Variants in MYT1L observed in about 807,000 individuals in gnomAD.
MYT1L encodes myelin transcription factor 1-like protein.
Under a neutral mutation model 126.7 loss-of-function variants are expected in MYT1L, and 12 were observed. That is an observed-to-expected ratio of 0.09 (90% CI 0.06 to 0.15). The LOEUF (loss-of-function observed/expected upper bound fraction) is 0.15. MYT1L is among the 10% of genes least tolerant of loss of function. MYT1L has a pLI of 1.00. For synonymous variants in MYT1L, 541 were observed against 604.2 expected, an observed-to-expected ratio of 0.90 and a Z score of 1.53; for missense variants, 979 against 1,585.2, an observed-to-expected ratio of 0.62 and a Z score of 6.49.
rs12474766 is a variant in MYT1L at position 1,982,242 on chromosome 2, C to T, written c.1-2465G>A. The stretch of plus-strand genomic sequence containing the variant: ...CACATCCATGAGAAAGGGCATTTCC[C>T]GGGGTCCCCTGCCCTTGTCACAGGC... On this transcript the variant is annotated intron_variant, in intron 5 of 24. Transcript: ENST00000647738. Among the ~76,000 whole-genome samples, 1,021 of 152,240 alleles carry T rather than the reference C, an allele frequency of 6.7e-3. 23 individuals are homozygous for T. The East Asian group carries it at 0.071, about 11-fold the overall frequency.
At chr2:1,973,485 AC>A (rs2059953273) in intron 8 of MYT1L, among the ~76,000 whole-genome samples, 1 of 152,220 alleles carries the variant, frequency 6.6e-6, no homozygotes, top group Admixed American at 6.5e-5. Context: ...GCCAAAAAAA[AC>A]CTGAATATAA....
intron 18 of MYT1L, among the ~76,000 whole-genome samples, chr2:1,861,420 C>T (rs1219691782): frequency 6.6e-6 from 1 of 151,814 alleles, no homozygotes; most frequent in Non-Finnish European, 1.5e-5. Flanking sequence ...CATGTTTTTC[C>T]TCTTCAGCAG....
rs143742936 is a variant in MYT1L at position 2,085,165 on chromosome 2, G to T, written c.-303-31042C>A. On this transcript the variant is annotated intron_variant, in intron 3 of 24. Transcript: ENST00000647738. ...AGCTGTCTCCACCTTCTCCAAGAGC[G>T]CATTTTTAAATGATGGCACTGGAGC... is the stretch of plus-strand genomic sequence containing the variant. Among the ~76,000 whole-genome samples, 241 of 152,248 alleles carry T rather than the reference G, an allele frequency of 1.6e-3. 4 individuals carry two copies. Among genetic ancestry groups the T allele is most frequent in the African/African-American group, 5.5e-3 (227 of 41,538 alleles).
At chr2:1,911,627 T>G (rs12988893) in intron 12 of MYT1L, among the ~76,000 whole-genome samples, 1 of 152,088 alleles carries the variant, frequency 6.6e-6, no homozygotes, top group African/African-American at 2.4e-5. Context: ...GGGGTTTCCA[T>G]AGAATTCCAA....
At chr2:1,983,712 G>A (rs1000485014) in intron 5 of MYT1L, among the ~76,000 whole-genome samples, 3 of 152,194 alleles carry the variant, frequency 2.0e-5, no homozygotes, top group Admixed American at 6.5e-5. Context: ...CGTTTAAACC[G>A]TTCATTTGAA....
intron 8 of MYT1L, among the ~76,000 whole-genome samples, chr2:1,973,134 T>A (rs986957944): frequency 1.3e-5 from 2 of 152,284 alleles, no homozygotes; most frequent in South Asian, 4.1e-4. Flanking sequence ...TACTAGGAAT[T>A]TCCTCTCTCT....
At chr2:1,982,489 T>G (rs945825741) in intron 5 of MYT1L, among the ~76,000 whole-genome samples, 1 of 152,178 alleles carries the variant, frequency 6.6e-6, no homozygotes, top group African/African-American at 2.4e-5. Context: ...ATCATTCCAT[T>G]GGATGAGGAT....
intron 3 of MYT1L, among the ~76,000 whole-genome samples, chr2:2,057,831 C>T (rs2069811101): frequency 6.6e-6 from 1 of 152,208 alleles, no homozygotes; most frequent in African/African-American, 2.4e-5. Flanking sequence ...CACAGTTTAA[C>T]TCTTCATGCT....
At chr2:2,008,861 A>T (rs935751350) in intron 4 of MYT1L, among the ~76,000 whole-genome samples, 1 of 151,958 alleles carries the variant, frequency 6.6e-6, no homozygotes, top group Non-Finnish European at 1.5e-5. Flanking sequence ...TATTTTTTTT[A>T]ATGTATAAGA....
chr2:2,243,317 T>G (rs2094473064), intron 2 of MYT1L, among the ~76,000 whole-genome samples: 1 of 152,220 alleles, frequency 6.6e-6, no homozygotes, highest in Non-Finnish European at 1.5e-5. Flanking sequence ...TGAATTCTTT[T>G]GCAAAGAGAA....
intron 9 of MYT1L, among the ~76,000 whole-genome samples, chr2:1,925,014 C>T (rs2054042026): frequency 1.3e-5 from 2 of 152,130 alleles, no homozygotes; most frequent in Admixed American, 1.3e-4. Flanking sequence ...AATAACCAAG[C>T]TGTGTTACCT....
rs557608476 is a variant in MYT1L at position 1,967,831 on chromosome 2, C to T, written c.152+11334G>A. ...CTGGGAACAGCGAGTGCTTCTGGGACGTTGCTGTTATTACCAGAAGGGCCT... is the reference window on the plus strand; with the variant it reads ...CTGGGAACAGCGAGTGCTTCTGGGATGTTGCTGTTATTACCAGAAGGGCCT... On this transcript the variant is annotated intron_variant, in intron 8 of 24. Coordinates refer to ENST00000647738, the MANE Select transcript of MYT1L (RefSeq NM_001303052.2). Among the ~76,000 whole-genome samples, 13 of 152,224 alleles carry T rather than the reference C, an allele frequency of 8.5e-5. No homozygotes were observed. In the Middle Eastern group the frequency reaches 0.01, roughly 119 times the overall value.
intron 3 of MYT1L, among the ~76,000 whole-genome samples, chr2:2,077,371 T>C (rs2075339355): frequency 6.6e-6 from 1 of 152,164 alleles, no homozygotes; most frequent in African/African-American, 2.4e-5. Flanking sequence ...AGAATATACA[T>C]AAATGGATCT....
chr2:1,856,713 TTAAA>T (rs1377002666), intron 18 of MYT1L, among the ~76,000 whole-genome samples: 1 of 152,214 alleles, frequency 6.6e-6, no homozygotes, highest in Non-Finnish European at 1.5e-5. Flanking sequence ...AGTATGGAAA[TTAAA>T]TAAATGCTTG....
rs530252555 is a variant in MYT1L, at chr2:1,852,074, G to A, written c.2712-371C>T. 1.3e-5 allele frequency among the ~76,000 whole-genome samples: 2 copies of A among 152,310 alleles called. No individual in the cohort carries two copies. Among genetic ancestry groups the A allele is most frequent in the South Asian group, 4.1e-4 (2 of 4,830 alleles). On this transcript the variant is annotated intron_variant, in intron 18 of 24. Transcript: ENST00000647738. The surrounding 1 kb of genome is among the most constrained non-coding windows in gnomAD (Gnocchi z 4.0). ...CTTGTTACTGCACCAGCCCACGTGGGAAGCAAGGCTCACACATGAACAGAC... is the reference window on the plus strand; with the variant it reads ...CTTGTTACTGCACCAGCCCACGTGGAAAGCAAGGCTCACACATGAACAGAC...
At chr2:1,792,574 G>T in intron 23 of MYT1L, 110 bp from the exon 24 acceptor site, 1 of 1,220,818 alleles carries the variant, frequency 8.2e-7, no homozygotes, top group Non-Finnish European at 1.1e-6. Context: ...TCTCGCTGAA[G>T]GAGAAAGGCT....
intron 21 of MYT1L, among the ~76,000 whole-genome samples, chr2:1,833,597 G>A (rs2040467485): frequency 6.6e-6 from 1 of 152,134 alleles, no homozygotes; most frequent in African/African-American, 2.4e-5. Flanking sequence ...GGAGGGATTG[G>A]CCTTTACACC....
Position 1,934,727 on chromosome 2 carries a change from T to TACACACAC in MYT1L, c.505+8247_505+8254dup, listed in dbSNP as rs56320658. 1.9e-3 allele frequency among the ~76,000 whole-genome samples: 265 copies of TACACACAC among 138,384 alleles called. 1 individual carries two copies. Among genetic ancestry groups the TACACACAC allele is most frequent in the African/African-American group, 2.8e-3 (103 of 36,960 alleles). 90.8% of individuals were successfully genotyped at this position (138,384 alleles called of 152,430 possible). On this transcript the variant is annotated intron_variant, in intron 9 of 24. Coordinates refer to ENST00000647738, the MANE Select transcript of MYT1L (RefSeq NM_001303052.2). Reference sequence around the variant, plus strand: ...CCCCCTACCCCCTGTCTCTGTCATGTACACACACACACACACACACACACA... The same window carrying TACACACAC: ...CCCCCTACCCCCTGTCTCTGTCATGTACACACACACACACACACACACACACACACACA...
intron 2 of MYT1L, among the ~76,000 whole-genome samples, chr2:2,261,531 T>C (rs2094967346): frequency 6.6e-6 from 1 of 152,196 alleles, no homozygotes; most frequent in South Asian, 2.1e-4. Flanking sequence ...CATTGCCAAG[T>C]CCTCAAAACT....
Sources: gnomAD v4.1 joint callset for allele counts (sites outside exome capture counted in the v4.1 genomes callset) on GRCh38, gnomAD v4.1.1 for gene constraint, Gnocchi (gnomAD v3.1) non-coding constraint, MANE v1.5 for transcripts, NCBI Gene and HGNC (gene_info 2026-07-23, HGNC 2026-07-21) for gene names.